RNF111: variants seen among roughly 807,000 people sequenced by gnomAD.
RNF111 encodes the protein E3 ubiquitin-protein ligase Arkadia.
RNF111 carries 17 observed loss-of-function variants against 95.1 expected under a neutral mutation model. The observed-to-expected ratio is 0.18, with a 90% CI of 0.12 to 0.27. The LOEUF (loss-of-function observed/expected upper bound fraction) is 0.27. RNF111 is among the 10% of genes least tolerant of loss of function. RNF111 has a pLI of 1.00. For missense variants in RNF111, 1,189 were observed against 1,210.4 expected (o/e 0.98, Z 0.26); for synonymous variants, 440 against 414.8 (o/e 1.06, Z -0.74).
rs1244994374 is a variant in RNF111, at chr15:59,097,040, G to C, written c.*2140G>C. ...TTACTTTGAAATTTATTTAATAAAA[G>C]TATTTGTGACATAAACCTGAATTGT... On this transcript the variant is annotated 3_prime_UTR_variant, in exon 14 of 14. Transcript: ENST00000348370. The C allele has an allele frequency of 6.6e-6, 1 of 152,118 alleles. No homozygotes were observed. Among genetic ancestry groups the C allele is most frequent in the Non-Finnish European group, 1.5e-5 (1 of 68,028 alleles). The allele number at this position is 152,118 out of a possible 1,614,324, so 9.4% of individuals were successfully genotyped here. A position where few individuals can be genotyped will look rare whatever the true frequency, so the allele number is the denominator to read the frequency against.
rs763356571 is a variant in RNF111 at position 59,075,935 on chromosome 15, A to G, written c.1687-19A>G. The G allele has an allele frequency of 1.1e-5, 17 of 1,611,250 alleles. No individual in the cohort carries two copies. Among genetic ancestry groups the G allele is most frequent in the East Asian group, 4.5e-5 (2 of 44,850 alleles). ...TGACCAAACTTTAGAAAGATAAAAT[A>G]TACTTCCTTTTTATCTAGCAGGCAT... On this transcript the variant is annotated intron_variant, in intron 6 of 13. Transcript: ENST00000348370.
At chr15:59,066,012 T>C (rs1489275904) in intron 5 of RNF111, among the ~76,000 whole-genome samples, 1 of 152,086 alleles carries the variant, frequency 6.6e-6, no homozygotes, top group Non-Finnish European at 1.5e-5. Flanking sequence ...TGGCTGTGTC[T>C]TAAGGTGAGA....
At chr15:59,008,701 A>G (rs1383785749) in intron 1 of RNF111, among the ~76,000 whole-genome samples, 4 of 151,948 alleles carry the variant, frequency 2.6e-5, no homozygotes, top group Non-Finnish European at 4.4e-5. Context: ...TGTTTGTCCC[A>G]CCTGTCCCTT....
intron 5 of RNF111, 84 bp from the exon 6 acceptor site, chr15:59,066,680 T>G: frequency 9.6e-7 from 1 of 1,037,272 alleles, no homozygotes; most frequent in Non-Finnish European, 1.4e-6. Context: ...TCTTTAAACA[T>G]TTATTATTTA....
chr15:59,021,235 C>T (rs550808259), intron 1 of RNF111, among the ~76,000 whole-genome samples: 1 of 152,162 alleles, frequency 6.6e-6, no homozygotes, highest in Non-Finnish European at 1.5e-5. Flanking sequence ...ACTGCAAACT[C>T]CGCCTCGTGA....
At chr15:59,079,957 A>G (rs543756320) in intron 7 of RNF111, among the ~76,000 whole-genome samples, 1 of 152,252 alleles carries the variant, frequency 6.6e-6, no homozygotes, top group African/African-American at 2.4e-5. Flanking sequence ...TTACAAGTCA[A>G]TAAGAAAAAG....
intron 7 of RNF111, among the ~76,000 whole-genome samples, chr15:59,078,848 G>C (rs1422839163): frequency 6.8e-6 from 1 of 146,550 alleles, no homozygotes; most frequent in East Asian, 2.0e-4. Flanking sequence ...GATAGAGCGA[G>C]TCTCCCTCTC....
intron 2 of RNF111, among the ~76,000 whole-genome samples, chr15:59,039,905 C>T (rs754044424): frequency 2.6e-5 from 4 of 151,780 alleles, no homozygotes; most frequent in East Asian, 1.9e-4. Flanking sequence ...TTAGTAGAGA[C>T]GGGGTTTCAC....
chr15:59,033,297 C>CT (rs2141789573), intron 2 of RNF111, among the ~76,000 whole-genome samples: 1 of 152,202 alleles, frequency 6.6e-6, no homozygotes, highest in Non-Finnish European at 1.5e-5. Flanking sequence ...AATCTCTTTC[C>CT]TTTTTCATCT....
chr15:59,011,450 T>C (rs2039807911), intron 1 of RNF111, among the ~76,000 whole-genome samples: 1 of 152,164 alleles, frequency 6.6e-6, no homozygotes. Context: ...TATTCCACAG[T>C]GTATTAGTTT....
intron 3 of RNF111, 54 bp downstream of exon 3, chr15:59,052,485 CAT>C (rs2042030088): frequency 2.5e-6 from 3 of 1,223,568 alleles, no homozygotes; most frequent in Non-Finnish European, 2.2e-6. Flanking sequence ...AAATATTAAA[CAT>C]ATTTGTGCTG....
intron 2 of RNF111, among the ~76,000 whole-genome samples, chr15:59,032,587 T>C (rs376422966): frequency 1.0e-3 from 152 of 152,172 alleles, no homozygotes; most frequent in African/African-American, 3.6e-3. Flanking sequence ...ACACCTGGCT[T>C]ATTTTTGTAT....
chr15:59,028,883 G>A (rs1352059305), intron 1 of RNF111, among the ~76,000 whole-genome samples: 2 of 151,742 alleles, frequency 1.3e-5, no homozygotes, highest in African/African-American at 4.8e-5. Context: ...AGGTTCAAGC[G>A]ATTCTCATGC....
intron 1 of RNF111, among the ~76,000 whole-genome samples, chr15:59,029,799 G>C (rs1393525900): frequency 1.3e-5 from 2 of 152,156 alleles, no homozygotes. Flanking sequence ...GTTTATCTGT[G>C]TGCCAGTTAC....
rs76979606 is a variant in RNF111 at position 59,085,689 on chromosome 15, A to G, written c.2454A>G (p.Ala818=). The change falls in exon 10 of 14, where the codon GCA becomes GCG. Residue 818 remains alanine (A), a synonymous_variant. Coordinates refer to ENST00000348370, the MANE Select transcript of RNF111 (RefSeq NM_017610.8). Reference sequence around the variant, plus strand: ...TGGGAATTGAAGCTGGAGTGACTGCAGCTACTTATACACCTGGTGCATTGC... The same window carrying G: ...TGGGAATTGAAGCTGGAGTGACTGCGGCTACTTATACACCTGGTGCATTGC... ...WELGIEAGVT[A]ATYTPGALHP... 1.6e-3 allele frequency: 2,537 copies of G among 1,613,524 alleles called. 2 individuals are homozygous for G. Among genetic ancestry groups the G allele is most frequent in the South Asian group, 3.6e-3 (330 of 91,066 alleles).
chr15:59,066,607 C>G (rs10431793), intron 5 of RNF111, among the ~76,000 whole-genome samples, 157 bp from the exon 6 acceptor site: 1 of 151,224 alleles, frequency 6.6e-6, no homozygotes, highest in Non-Finnish European at 1.5e-5. Context: ...AAGACTCCAT[C>G]TCAAAAAAAA....
Position 59,073,269 on chromosome 15 carries a change from G to T in RNF111, c.1687-2685G>T, listed in dbSNP as rs549465305. Among the ~76,000 whole-genome samples the T allele has an allele frequency of 3.9e-5, 6 of 152,286 alleles. No individual in the cohort carries two copies. The South Asian group carries it at 1.2e-3, about 32-fold the overall frequency. Reference sequence around the variant, plus strand: ...GCAGGCAGATCACTTGCGGTCAGCAGTTCAAGACCAGCGTGGGCAACATGG... The same window carrying T: ...GCAGGCAGATCACTTGCGGTCAGCATTTCAAGACCAGCGTGGGCAACATGG... On this transcript the variant is annotated intron_variant, in intron 6 of 13. Coordinates refer to ENST00000348370, the MANE Select transcript of RNF111 (RefSeq NM_017610.8).
At chr15:59,065,408 G>A (rs1366524993) in intron 5 of RNF111, among the ~76,000 whole-genome samples, 1 of 152,126 alleles carries the variant, frequency 6.6e-6, no homozygotes, top group Admixed American at 6.5e-5. Flanking sequence ...CTGGGCATGT[G>A]GCGGAGAGCA....
chr15:59,058,599 A>C (rs371387974), intron 5 of RNF111, 49 bp downstream of exon 5: 1 of 1,504,552 alleles, frequency 6.6e-7, no homozygotes, highest in African/African-American at 1.4e-5. Flanking sequence ...TACTTTCGTT[A>C]GGAAAAGTAT....
Sources: allele counts gnomAD v4.1 joint callset (sites outside exome capture counted in the v4.1 genomes callset), GRCh38; gene constraint gnomAD v4.1.1; transcripts MANE v1.5; gene names NCBI Gene and HGNC (gene_info 2026-07-23, HGNC 2026-07-21).